The following DZANK1 variants were observed in gnomAD, a reference collection of about 807,000 sequenced individuals.
DZANK1 encodes double zinc ribbon and ankyrin repeat domains 1.
In DZANK1, 91 loss-of-function variants were observed where a neutral mutation model predicts 94.5. The observed-to-expected ratio is 0.96, with a 90% CI of 0.81 to 1.15. The LOEUF (loss-of-function observed/expected upper bound fraction) is 1.15, where lower values mean the gene tolerates loss of function less well. Ranked by LOEUF, DZANK1 falls within the 50% of genes most tolerant of loss-of-function variation. The probability of loss-of-function intolerance (pLI) is 0.00; values close to 1 mark genes in which losing one functional copy is unlikely to be tolerated. For synonymous variants in DZANK1, 312 were observed against 325.3 expected (o/e 0.96, Z 0.44); for missense variants, 903 against 916.4 (o/e 0.99, Z 0.19).
chr20:18,388,083 C>T (rs909344664), intron 19 of DZANK1, among the ~76,000 whole-genome samples: 2 of 152,134 alleles, frequency 1.3e-5, no homozygotes, highest in Admixed American at 6.5e-5. Flanking sequence ...CCAGACTTGG[C>T]AGAATGTGGC....
At chr20:18,427,131 G>C in exon 10 of DZANK1, 1 of 1,612,964 alleles carries the variant, frequency 6.2e-7, no homozygotes, top group Non-Finnish European at 8.5e-7. Context: ...AGGATTTCCT[G>C]TACCACAGGC....
chr20:18,452,739 TC>T, intron 5 of DZANK1: 1 of 1,559,950 alleles, frequency 6.4e-7, no homozygotes, highest in Non-Finnish European at 8.7e-7. Context: ...TACCTGGACG[TC>T]TACAATGATA....
chr20:18,392,529 C>T (rs2056072281), intron 17 of DZANK1, among the ~76,000 whole-genome samples: 2 of 152,204 alleles, frequency 1.3e-5, no homozygotes, highest in African/African-American at 4.8e-5. Flanking sequence ...CGGGCCCAGG[C>T]CTTGGGACTT....
chr20:18,398,386 A>AAGAGTAAGAAAGTGTAGAAAGC (rs2056476915), intron 14 of DZANK1, 137 bp downstream of exon 14: 5 of 730,268 alleles, frequency 6.8e-6, no homozygotes, highest in African/African-American at 1.7e-5. Flanking sequence ...CACAAGGCAG[A>AAGAGTAAGAAAGTGTAGAAAGC]AGAGTAAGAA....
intron 1 of DZANK1, among the ~76,000 whole-genome samples, chr20:18,465,974 A>C (rs534643643): frequency 6.6e-6 from 1 of 152,350 alleles, no homozygotes; most frequent in African/African-American, 2.4e-5. Context: ...AACAGTGACC[A>C]ATAAACACAA....
chr20:18,459,970 T>C (rs1417157239), intron 3 of DZANK1, among the ~76,000 whole-genome samples, 183 bp downstream of exon 3: 3 of 152,196 alleles, frequency 2.0e-5, no homozygotes, highest in African/African-American at 7.2e-5. Flanking sequence ...TTTCTGCACC[T>C]TACGGTATGC....
chr20:18,443,931 A>G (rs1051388167), intron 7 of DZANK1, among the ~76,000 whole-genome samples: 14 of 152,136 alleles, frequency 9.2e-5, no homozygotes, highest in African/African-American at 3.4e-4. Flanking sequence ...ACCTTTGCTT[A>G]GAGTCCTCAG....
chr20:18,428,130 G>T (rs911652835), intron 9 of DZANK1, among the ~76,000 whole-genome samples: 6 of 148,124 alleles, frequency 4.1e-5, no homozygotes, highest in African/African-American at 1.5e-4. Flanking sequence ...CAGCCTGGGT[G>T]ACAGAGCAAG....
chr20:18,429,824 G>C (rs1246033077), intron 9 of DZANK1, among the ~76,000 whole-genome samples: 1 of 152,182 alleles, frequency 6.6e-6, no homozygotes, highest in Non-Finnish European at 1.5e-5. Context: ...CTAGAGCAGT[G>C]ACCACGACCC....
intron 2 of DZANK1, among the ~76,000 whole-genome samples, chr20:18,461,857 C>T (rs892255620): frequency 1.3e-5 from 2 of 152,058 alleles, no homozygotes; most frequent in Admixed American, 1.3e-4. Context: ...ACCTCAGCCT[C>T]CCAAAGTGCT....
intron 2 of DZANK1, among the ~76,000 whole-genome samples, chr20:18,461,572 T>A (rs570560445): frequency 6.6e-6 from 1 of 151,970 alleles, no homozygotes; most frequent in Non-Finnish European, 1.5e-5. Context: ...TAGTTACTGC[T>A]GAGTCAAAAG....
chr20:18,397,411 A>G (rs1008156604), intron 14 of DZANK1, among the ~76,000 whole-genome samples: 2 of 152,202 alleles, frequency 1.3e-5, no homozygotes, highest in Non-Finnish European at 2.9e-5. Flanking sequence ...GCAATGTAGT[A>G]TCAAAGAAAG....
At chr20:18,404,915 G>GAAA (rs1296165874) in intron 13 of DZANK1, among the ~76,000 whole-genome samples, 2 of 129,380 alleles carry the variant, frequency 1.5e-5, no homozygotes, top group East Asian at 4.5e-4. Flanking sequence ...TTGACTCTTA[G>GAAA]AAAAAAAAAA....
At chr20:18,384,839 G>A (rs1054475774) in intron 20 of DZANK1, among the ~76,000 whole-genome samples, 177 bp downstream of exon 20, 2 of 152,174 alleles carry the variant, frequency 1.3e-5, no homozygotes, top group African/African-American at 4.8e-5. Flanking sequence ...TTTAATGGGG[G>A]CAACATTTTC....
chr20:18,442,092 T>C (rs997697513), intron 8 of DZANK1, among the ~76,000 whole-genome samples: 5 of 152,242 alleles, frequency 3.3e-5, no homozygotes, highest in Admixed American at 3.3e-4. Context: ...TAAATGGTTG[T>C]TAGCTTAAAT....
chr20:18,406,628 G>T (rs2056980094), intron 13 of DZANK1, among the ~76,000 whole-genome samples: 1 of 152,234 alleles, frequency 6.6e-6, no homozygotes, highest in Non-Finnish European at 1.5e-5. Flanking sequence ...AGTTGTAGTG[G>T]CTATGGTGCA....
At chr20:18,385,417 A>G (rs998906289) in intron 19 of DZANK1, among the ~76,000 whole-genome samples, 4 of 151,974 alleles carry the variant, frequency 2.6e-5, no homozygotes, top group African/African-American at 4.8e-5. Context: ...CATATTGGAC[A>G]TAGTCTTTTT....
chr20:18,385,689 GAC>G (rs1185149995), intron 19 of DZANK1, among the ~76,000 whole-genome samples: 1 of 152,090 alleles, frequency 6.6e-6, no homozygotes, highest in Non-Finnish European at 1.5e-5. Flanking sequence ...GTGCTGGGAG[GAC>G]ACAGTCTTAA....
At chr20:18,405,889 G>C (rs1016435914) in intron 13 of DZANK1, among the ~76,000 whole-genome samples, 1 of 152,236 alleles carries the variant, frequency 6.6e-6, no homozygotes, top group African/African-American at 2.4e-5. Flanking sequence ...TTTGGGGAGG[G>C]AGAGCACAGT....
Sources: gnomAD v4.1 joint callset for allele counts (sites outside exome capture counted in the v4.1 genomes callset) on GRCh38, gnomAD v4.1.1 for gene constraint, MANE v1.5 for transcripts, NCBI Gene and HGNC (gene_info 2026-07-23, HGNC 2026-07-21) for gene names.